ZNF765: variants seen among roughly 807,000 people sequenced by gnomAD.
ZNF765 encodes the protein zinc finger protein 765.
A neutral mutation model predicts 44.7 loss-of-function variants in ZNF765; 37 were observed. That is an observed-to-expected ratio of 0.83 (90% CI 0.64 to 1.09). The LOEUF is 1.09. Among genes scored for constraint, ZNF765 ranks in the 50% least tolerant of loss-of-function variants. The probability of loss-of-function intolerance (pLI) is 0.00; values close to 1 mark genes in which losing one functional copy is unlikely to be tolerated. For synonymous variants in ZNF765, 201 were observed against 213.7 expected, an observed-to-expected ratio of 0.94 and a Z score of 0.52; for missense variants, 594 against 626.1, an observed-to-expected ratio of 0.95 and a Z score of 0.55.
At chr19:53,401,808 G>A (rs2085728685) in intron 2 of ZNF765, 3 of 851,596 alleles carry the variant, frequency 3.5e-6, no homozygotes, top group Non-Finnish European at 5.4e-6. Flanking sequence ...CCTGGGACTT[G>A]GAGGTTGCAT....
Position 53,410,539 on chromosome 19 carries a change from C to A in ZNF765, c.*1412C>A. The A allele has an allele frequency of 2.4e-6, 1 of 414,824 alleles. No homozygotes were observed. Among genetic ancestry groups the A allele is most frequent in the South Asian group, 2.1e-5 (1 of 48,404 alleles). 25.7% of individuals were successfully genotyped at this position (414,824 alleles called of 1,614,324 possible). A position where few individuals can be genotyped will look rare whatever the true frequency, so the allele number is the denominator to read the frequency against. ...ATGAATGTGACAGGTCTTTAGTGGG[C>A]AGTCAACACTTGTTTACCATCAGGC... On this transcript the variant is annotated 3_prime_UTR_variant, in exon 4 of 4. Transcript: ENST00000396408.
intron 3 of ZNF765, among the ~76,000 whole-genome samples, chr19:53,420,151 G>A (rs577772718): frequency 9.2e-5 from 14 of 152,188 alleles, no homozygotes; most frequent in African/African-American, 3.1e-4. Context: ...GGCCAACTTG[G>A]TGAATCCCCA....
intron 3 of ZNF765, among the ~76,000 whole-genome samples, chr19:53,417,757 T>TACTTCCTTTC (rs1396503358): frequency 6.6e-6 from 1 of 152,216 alleles, no homozygotes; most frequent in African/African-American, 2.4e-5. Context: ...TTCTTCCTTT[T>TACTTCCTTTC]ACTTCCTTTC....
At chr19:53,422,910 A>T (rs1450206346) in intron 3 of ZNF765, among the ~76,000 whole-genome samples, 1 of 152,162 alleles carries the variant, frequency 6.6e-6, no homozygotes, top group African/African-American at 2.4e-5. Flanking sequence ...CACTGGGTGC[A>T]GGTTAAGGTC....
Position 53,409,132 on chromosome 19 carries a change from T to G in ZNF765, c.*5T>G, listed in dbSNP as rs1156739655. ...GGAGAGAAACTACACGTGTAATGAG[T>G]GTGGTAAGACCTTCAATCAGGAGTT... On this transcript the variant is annotated 3_prime_UTR_variant, in exon 4 of 4. Transcript: ENST00000396408. The G allele has an allele frequency of 6.2e-7, 1 of 1,607,586 alleles. No homozygotes were observed. Among genetic ancestry groups the G allele is most frequent in the Non-Finnish European group, 8.5e-7 (1 of 1,175,100 alleles).
At chr19:53,395,829 C>T (rs1451915313) in intron 1 of ZNF765, among the ~76,000 whole-genome samples, 1 of 152,146 alleles carries the variant, frequency 6.6e-6, no homozygotes, top group East Asian at 1.9e-4. Flanking sequence ...TGCTCCAAAC[C>T]CTCCTGTGTC....
intron 3 of ZNF765, among the ~76,000 whole-genome samples, chr19:53,404,475 C>T (rs190415302): frequency 1.1e-4 from 16 of 152,006 alleles, no homozygotes; most frequent in Middle Eastern, 3.4e-3. Context: ...CTTTTTAAGA[C>T]GGAGTCTCGG....
intron 3 of ZNF765, among the ~76,000 whole-genome samples, chr19:53,418,910 G>GGAAA (rs2085891136): frequency 5.2e-5 from 5 of 96,854 alleles, no homozygotes; most frequent in Non-Finnish European, 9.9e-5. Context: ...GTTGTGGGAG[G>GGAAA]AAAAAAAAAA....
chr19:53,418,981 C>T (rs1434972295), intron 3 of ZNF765, among the ~76,000 whole-genome samples: 1 of 143,830 alleles, frequency 7.0e-6, no homozygotes, highest in Non-Finnish European at 1.5e-5. Flanking sequence ...GGGTTTGAAA[C>T]TAGTTTAATG....
chr19:53,416,792 T>C (rs910322264), downstream of ZNF765, among the ~76,000 whole-genome samples: 6 of 151,462 alleles, frequency 4.0e-5, no homozygotes, highest in African/African-American at 1.5e-4. Flanking sequence ...TGGTATTCAG[T>C]TGTGCTCACG....
Position 53,407,610 on chromosome 19 carries a change from G to C in ZNF765, c.143-88G>C, listed in dbSNP as rs540328005. The C allele has an allele frequency of 9.4e-5, 96 of 1,017,210 alleles. No individual in the cohort carries two copies. In the South Asian group the frequency reaches 2.1e-3, roughly 22 times the overall value. The allele number at this position is 1,017,210 out of a possible 1,614,324, so 63.0% of individuals were successfully genotyped here. The stretch of plus-strand genomic sequence containing the variant: ...GTCATGTTTGCAAAGTTTAAAATAA[G>C]TATTGTTTTTTGTGTCATATTTACA... On this transcript the variant is annotated intron_variant, in intron 3 of 3. Coordinates refer to ENST00000396408, the MANE Select transcript of ZNF765 (RefSeq NM_001040185.3).
Position 53,400,386 on chromosome 19 carries a change from C to T in ZNF765, c.16-1679C>T, listed in dbSNP as rs536415735. Among the ~76,000 whole-genome samples, 5 of 152,178 alleles carry T rather than the reference C, an allele frequency of 3.3e-5. No homozygotes were observed. In the South Asian group the frequency reaches 8.3e-4, roughly 25 times the overall value. On this transcript the variant is annotated intron_variant, in intron 2 of 3. Coordinates refer to ENST00000396408, the MANE Select transcript of ZNF765 (RefSeq NM_001040185.3). ...GCTGCCTCTGTGCACACCCGCGTTA[C>T]TACAGATATCTCACGATTCCTCCAG...
Position 53,409,343 on chromosome 19 carries a change from T to C in ZNF765, c.*216T>C. The C allele has an allele frequency of 1.2e-6, 1 of 847,804 alleles. No homozygotes were observed. Among genetic ancestry groups the C allele is most frequent in the Non-Finnish European group, 2.0e-6 (1 of 491,064 alleles). The allele number at this position is 847,804 out of a possible 1,614,324, so 52.5% of individuals were successfully genotyped here. On this transcript the variant is annotated 3_prime_UTR_variant, in exon 4 of 4. Transcript: ENST00000396408. ...ATACGTCATCTTTTGTGTACCATCA[T>C]AAACTTCATAGTGGAGAGACCTTAC... is the stretch of plus-strand genomic sequence containing the variant.
downstream of ZNF765, among the ~76,000 whole-genome samples, chr19:53,412,755 G>A (rs112833827): frequency 0.26 from 40,215 of 151,878 alleles, 6,522 homozygotes; most frequent in South Asian, 0.37. Flanking sequence ...TCGTGACCTC[G>A]TGATCCACCC....
At chr19:53,401,846 A>T in intron 2 of ZNF765, 2 of 1,254,528 alleles carry the variant, frequency 1.6e-6, no homozygotes, top group Non-Finnish European at 2.2e-6. Context: ...ATTGCACTCC[A>T]GGCTGGGCAA....
chr19:53,423,338 C>G (rs1468797192), exon 4 of ZNF765: 1 of 619,512 alleles, frequency 1.6e-6, no homozygotes, highest in Admixed American at 2.1e-5. Context: ...TGACGCGGCA[C>G]TGCTGTCCTT....
chr19:53,422,432 G>A (rs139062163), intron 3 of ZNF765, among the ~76,000 whole-genome samples: 2 of 152,108 alleles, frequency 1.3e-5, no homozygotes, highest in Non-Finnish European at 2.9e-5. Flanking sequence ...ATACATGTCT[G>A]TTCTTCACAG....
chr19:53,401,440 G>A (rs2085724768), intron 2 of ZNF765, among the ~76,000 whole-genome samples: 1 of 152,068 alleles, frequency 6.6e-6, no homozygotes, highest in African/African-American at 2.4e-5. Context: ...GTGGGCGCCT[G>A]TAGTCCCAGC....
chr19:53,413,734 G>C (rs2085851008), downstream of ZNF765, among the ~76,000 whole-genome samples: 2 of 151,002 alleles, frequency 1.3e-5, no homozygotes, highest in South Asian at 4.2e-4. Flanking sequence ...CTGTAACCCA[G>C]TTCACGACAG....
Sources: gnomAD v4.1 joint callset for allele counts (sites outside exome capture counted in the v4.1 genomes callset) on GRCh38, gnomAD v4.1.1 for gene constraint, MANE v1.5 for transcripts, NCBI Gene and HGNC (gene_info 2026-07-23, HGNC 2026-07-21) for gene names.